TENM3: variants seen among roughly 807,000 people sequenced by gnomAD.
TENM3 encodes the protein teneurin-3.
TENM3 carries 63 observed loss-of-function variants against 255.1 expected under a neutral mutation model. That is an observed-to-expected ratio of 0.25 (90% confidence interval 0.20 to 0.30). The LOEUF (loss-of-function observed/expected upper bound fraction) is 0.30, where lower values mean the gene tolerates loss of function less well. TENM3 is among the 10% of genes least tolerant of loss of function. The probability of loss-of-function intolerance (pLI) is 1.00; values close to 1 mark genes in which losing one functional copy is unlikely to be tolerated. For missense variants in TENM3, 2,929 were observed against 3,461.1 expected (o/e 0.85, Z 3.86); for synonymous variants, 1,306 against 1,322.3 (o/e 0.99, Z 0.27).
At chr4:182,420,719 T>C (rs916170158) in intron 3 of TENM3, among the ~76,000 whole-genome samples, 1 of 152,224 alleles carries the variant, frequency 6.6e-6, no homozygotes, top group African/African-American at 2.4e-5. Flanking sequence ...TGAGGATTGA[T>C]GAATGGATAT....
chr4:182,542,613 ACT>A (rs1455142589), intron 3 of TENM3, among the ~76,000 whole-genome samples: 3 of 150,754 alleles, frequency 2.0e-5, no homozygotes, highest in Admixed American at 6.6e-5. Context: ...TTTTTATTAA[ACT>A]CTCTACTTTC....
the TENM3 span, among the ~76,000 whole-genome samples, chr4:181,642,737 C>A: frequency 1.8e-4 from 28 of 152,236 alleles, no homozygotes; most frequent in Middle Eastern, 0.017. Context: ...AGCCAGTTTT[C>A]CCAACATCAT....
At chr4:181,883,636 G>C in the TENM3 span, among the ~76,000 whole-genome samples, 2 of 151,928 alleles carry the variant, frequency 1.3e-5, no homozygotes, top group Non-Finnish European at 2.9e-5. Flanking sequence ...CACCACGCCT[G>C]GCTAATTTTT....
chr4:182,649,278 C>T (rs1753038720), intron 5 of TENM3, among the ~76,000 whole-genome samples: 1 of 150,122 alleles, frequency 6.7e-6, no homozygotes, highest in Non-Finnish European at 1.5e-5. Flanking sequence ...TTATATTTAC[C>T]TCATGGGGCA....
chr4:181,919,374 G>GGTTGTGTGTGTGTGTGTGTGTGTGT, the TENM3 span, among the ~76,000 whole-genome samples: 1 of 146,746 alleles, frequency 6.8e-6, no homozygotes, highest in African/African-American at 2.6e-5. Context: ...AAGCAAAGCA[G>GGTTGTGTGTGTGTGTGTGTGTGTGT]GTGTGTGTGT....
chr4:181,592,527 A>G, the TENM3 span, among the ~76,000 whole-genome samples: 4 of 152,082 alleles, frequency 2.6e-5, no homozygotes, highest in Admixed American at 2.6e-4. Context: ...AAACAAGCCC[A>G]TTCTCAGAAC....
At chr4:182,263,595 C>T (rs1016515370) in intron 1 of TENM3, among the ~76,000 whole-genome samples, 9 of 152,108 alleles carry the variant, frequency 5.9e-5, no homozygotes, top group Non-Finnish European at 1.2e-4. Flanking sequence ...GGGCAATTCC[C>T]CCCCCTACCT....
chr4:182,288,365 C>T (rs1434740768), intron 1 of TENM3, among the ~76,000 whole-genome samples: 1 of 152,158 alleles, frequency 6.6e-6, no homozygotes, highest in Non-Finnish European at 1.5e-5. Flanking sequence ...TGCCCAGCAC[C>T]TCCTTTTCTT....
the TENM3 span, among the ~76,000 whole-genome samples, chr4:181,712,025 G>T: frequency 1.3e-5 from 2 of 151,958 alleles, no homozygotes; most frequent in African/African-American, 4.8e-5. Context: ...TACAATTATC[G>T]GTCAAATTCC....
chr4:181,603,768 T>C, the TENM3 span, among the ~76,000 whole-genome samples: 2 of 152,138 alleles, frequency 1.3e-5, no homozygotes, highest in Non-Finnish European at 2.9e-5. Flanking sequence ...AATAAAATCA[T>C]AGAGAAAATA....
At chr4:182,281,046 A>G (rs1489925169) in intron 1 of TENM3, among the ~76,000 whole-genome samples, 1 of 152,148 alleles carries the variant, frequency 6.6e-6, no homozygotes, top group Non-Finnish European at 1.5e-5. Context: ...TTCTCCTACA[A>G]ACTCCTCCTG....
At chr4:182,269,343 A>C (rs1380171104) in intron 1 of TENM3, among the ~76,000 whole-genome samples, 1 of 152,202 alleles carries the variant, frequency 6.6e-6, no homozygotes, top group East Asian at 1.9e-4. Flanking sequence ...ATCATAGAGG[A>C]AGGAGACATT....
At chr4:181,830,100 A>T in the TENM3 span, 1 of 152,268 alleles carries the variant, frequency 6.6e-6, no homozygotes, top group Non-Finnish European at 1.5e-5. Flanking sequence ...CACCCAGTGG[A>T]AGCAGAGGAT....
the TENM3 span, among the ~76,000 whole-genome samples, chr4:181,800,778 A>G: frequency 1.1e-3 from 166 of 152,216 alleles, no homozygotes; most frequent in Non-Finnish European, 1.8e-3. Context: ...TGTGAGGACT[A>G]AATGAGTTAT....
At chr4:182,208,600 G>A (rs1279234984) in intron 1 of TENM3, among the ~76,000 whole-genome samples, 2 of 152,142 alleles carry the variant, frequency 1.3e-5, no homozygotes, top group Non-Finnish European at 2.9e-5. Context: ...TTGACATTTT[G>A]CCTAATTAGA....
chr4:182,397,633 G>GT (rs1238476514), intron 3 of TENM3, among the ~76,000 whole-genome samples: 1 of 151,954 alleles, frequency 6.6e-6, no homozygotes, highest in African/African-American at 2.4e-5. Context: ...GGCTACTACC[G>GT]TAACAAGCAA....
At chr4:182,756,300 C>T (rs11736855) in intron 22 of TENM3, among the ~76,000 whole-genome samples, 33,636 of 152,124 alleles carry the variant, frequency 0.22, 3,891 homozygotes, top group Middle Eastern at 0.31. Context: ...GTAGGAGGCT[C>T]ATTCAGCCAG....
the TENM3 span, among the ~76,000 whole-genome samples, chr4:181,571,799 A>C: frequency 6.6e-6 from 1 of 152,176 alleles, no homozygotes; most frequent in Non-Finnish European, 1.5e-5. Flanking sequence ...CATAACTTAC[A>C]AAGTGTTTTG....
At chr4:182,052,453 T>G in the TENM3 span, among the ~76,000 whole-genome samples, 2 of 152,098 alleles carry the variant, frequency 1.3e-5, no homozygotes, top group Non-Finnish European at 2.9e-5. Context: ...GAAGCTAAAT[T>G]CAGAGGCATT....
Sources: gnomAD v4.1 joint callset for allele counts (sites outside exome capture counted in the v4.1 genomes callset) on GRCh38, gnomAD v4.1.1 for gene constraint, MANE v1.5 for transcripts, NCBI Gene and HGNC (gene_info 2026-07-23, HGNC 2026-07-21) for gene names.